The following EXOC2 variants were observed in gnomAD, a reference collection of about 807,000 sequenced individuals.
EXOC2 encodes exocyst complex component 2, also known as SEC5-like 1.
A neutral mutation model predicts 131.8 loss-of-function variants in EXOC2; 70 were observed. The ratio of observed to expected loss-of-function variants is 0.53; its 90% CI spans 0.44 to 0.65. The LOEUF (loss-of-function observed/expected upper bound fraction) is 0.65, where lower values mean the gene tolerates loss of function less well. Among genes scored for constraint, EXOC2 ranks in the 30% least tolerant of loss-of-function variants. EXOC2 has a pLI of 0.00. For missense variants in EXOC2, 923 were observed against 1,108.6 expected, an observed-to-expected ratio of 0.83 and a Z score of 2.38; for synonymous variants, 411 against 398.4, an observed-to-expected ratio of 1.03 and a Z score of -0.38.
chr6:603,936 C>T (rs376801280), intron 7 of EXOC2, among the ~76,000 whole-genome samples: 16 of 152,282 alleles, frequency 1.1e-4, no homozygotes, highest in East Asian at 9.6e-4. Context: ...ACAATAATGA[C>T]AGCTAATAAC....
chr6:692,659 C>G (rs1161996827), intron 1 of EXOC2, among the ~76,000 whole-genome samples: 2 of 152,284 alleles, frequency 1.3e-5, no homozygotes, highest in African/African-American at 4.8e-5. Flanking sequence ...ATTCTCAAAT[C>G]TCACGGAGTG....
intron 23 of EXOC2, among the ~76,000 whole-genome samples, chr6:505,457 G>C (rs1764488975): frequency 6.6e-6 from 1 of 152,174 alleles, no homozygotes; most frequent in Non-Finnish European, 1.5e-5. Context: ...CAAGTTTCTG[G>C]ACTGCTCTGA....
Position 564,672 on chromosome 6 carries a change from C to G in EXOC2, c.1540G>C (p.Val514Leu), listed in dbSNP as rs768469468. The part of the protein sequence containing the change: ...KMIQEVMHSL[V>L]KLTRGALLPL... The stretch of plus-strand genomic sequence containing the variant: ...AGCAGGGCTCCGCGGGTAAGCTTCA[C>G]CAGGGAGTGCATTACTTCCTGAATC... Residue 514 changes from valine to leucine, a missense_variant, in exon 15 of 28, where the codon GTG (valine) becomes CTG (leucine). Physicochemically the swap from Val to Leu is conservative, Grantham distance 32 (BLOSUM62 1). Transcript: ENST00000230449. 3 of 1,604,852 alleles carry G rather than the reference C, an allele frequency of 1.9e-6. No homozygotes were observed. Among genetic ancestry groups the G allele is most frequent in the South Asian group, 2.2e-5 (2 of 89,680 alleles).
At chr6:504,352 G>A (rs1764404836) in intron 23 of EXOC2, among the ~76,000 whole-genome samples, 1 of 152,200 alleles carries the variant, frequency 6.6e-6, no homozygotes, top group Non-Finnish European at 1.5e-5. Flanking sequence ...GAGGCCTCGC[G>A]GTGATGGCAG....
At chr6:589,930 G>C (rs1321770148) in intron 11 of EXOC2, among the ~76,000 whole-genome samples, 1 of 152,092 alleles carries the variant, frequency 6.6e-6, no homozygotes, top group Non-Finnish European at 1.5e-5. Context: ...CACCGTGATG[G>C]GGTGAAACCC....
At chr6:501,680 A>ATATC (rs1308335022) in intron 23 of EXOC2, among the ~76,000 whole-genome samples, 1 of 119,538 alleles carries the variant, frequency 8.4e-6, no homozygotes, top group African/African-American at 3.2e-5. Flanking sequence ...AAAGATATAT[A>ATATC]TATCTATAAA....
chr6:667,911 A>ATCCG (rs1347642323), intron 1 of EXOC2, among the ~76,000 whole-genome samples: 8 of 144,286 alleles, frequency 5.5e-5, no homozygotes, highest in South Asian at 2.2e-4. Context: ...CCATCCATCC[A>ATCCG]TCCGTCCATA....
intron 6 of EXOC2, among the ~76,000 whole-genome samples, chr6:612,789 G>C (rs1485557980): frequency 6.7e-6 from 1 of 150,036 alleles, no homozygotes; most frequent in South Asian, 2.1e-4. Context: ...GGAGGAACAT[G>C]CGTAATTTAG....
At chr6:658,651 A>ATATATATATATTT (rs1389646104) in intron 1 of EXOC2, among the ~76,000 whole-genome samples, 185 of 75,566 alleles carry the variant, frequency 2.4e-3, no homozygotes, top group Non-Finnish European at 4.0e-3. Flanking sequence ...TATTTTATAT[A>ATATATATATATTT]TATATATATA....
intron 1 of EXOC2, among the ~76,000 whole-genome samples, chr6:685,869 CTTTTTTTT>C (rs58892194): frequency 6.1e-5 from 6 of 98,236 alleles, no homozygotes; most frequent in Non-Finnish European, 1.0e-4. Flanking sequence ...TCCTGGACCT[CTTTTTTTT>C]TTTTTTTTTT....
At chr6:628,374 C>G (rs922873107) in intron 4 of EXOC2, among the ~76,000 whole-genome samples, 12 of 152,328 alleles carry the variant, frequency 7.9e-5, no homozygotes, top group Admixed American at 5.9e-4. Flanking sequence ...TAACCTGACA[C>G]TTATTAGGAA....
intron 21 of EXOC2, among the ~76,000 whole-genome samples, chr6:552,588 C>T (rs1038795492): frequency 2.2e-4 from 33 of 151,618 alleles, no homozygotes; most frequent in African/African-American, 7.8e-4. Context: ...TTCAATCACC[C>T]ACTGGATATC....
chr6:526,074 C>T (rs1230614029), intron 23 of EXOC2, among the ~76,000 whole-genome samples: 1 of 151,880 alleles, frequency 6.6e-6, no homozygotes, highest in Non-Finnish European at 1.5e-5. Context: ...GTAAAACTTT[C>T]CTTAAGACAA....
At chr6:600,973 G>A (rs535333410) in intron 7 of EXOC2, among the ~76,000 whole-genome samples, 1 of 152,238 alleles carries the variant, frequency 6.6e-6, no homozygotes, top group African/African-American at 2.4e-5. Context: ...CTGATTATCA[G>A]ATAATGTATT....
At chr6:665,723 A>G (rs754060587) in intron 1 of EXOC2, among the ~76,000 whole-genome samples, 1 of 152,040 alleles carries the variant, frequency 6.6e-6, no homozygotes, top group Admixed American at 6.6e-5. Flanking sequence ...TGTGGGATCT[A>G]AGCTATGAGG....
intron 1 of EXOC2, among the ~76,000 whole-genome samples, chr6:653,132 C>A (rs1344876737): frequency 6.6e-6 from 1 of 152,186 alleles, no homozygotes; most frequent in Non-Finnish European, 1.5e-5. Flanking sequence ...CATTCTCTCT[C>A]CCTCTCCTCA....
intron 13 of EXOC2, among the ~76,000 whole-genome samples, chr6:571,771 C>T (rs989709728): frequency 4.0e-5 from 6 of 151,754 alleles, no homozygotes; most frequent in Admixed American, 1.3e-4. Flanking sequence ...TGCAGAGACA[C>T]GAAACACCTG....
At chr6:671,747 G>A (rs1763881738) in intron 1 of EXOC2, among the ~76,000 whole-genome samples, 1 of 151,746 alleles carries the variant, frequency 6.6e-6, no homozygotes, top group South Asian at 2.1e-4. Flanking sequence ...TTCCTTACTT[G>A]TTTGCATGGT....
At chr6:624,007 G>T (rs1172012753) in intron 4 of EXOC2, among the ~76,000 whole-genome samples, 1 of 152,136 alleles carries the variant, frequency 6.6e-6, no homozygotes, top group Non-Finnish European at 1.5e-5. Flanking sequence ...AATGAATATT[G>T]TATATTATGA....
Sources: allele counts gnomAD v4.1 joint callset (sites outside exome capture counted in the v4.1 genomes callset), GRCh38; gene constraint gnomAD v4.1.1; transcripts MANE v1.5; gene names NCBI Gene and HGNC (gene_info 2026-07-23, HGNC 2026-07-21).